The following ANXA11 variants were observed in gnomAD, a reference collection of about 807,000 sequenced individuals.
ANXA11 encodes annexin A11, also known as 56 kDa autoantigen.
A neutral mutation model predicts 64.7 loss-of-function variants in ANXA11; 57 were observed. The ratio of observed to expected loss-of-function variants is 0.88; its 90% CI spans 0.71 to 1.10. The LOEUF (loss-of-function observed/expected upper bound fraction) is 1.10, where lower values mean the gene tolerates loss of function less well. ANXA11 is among the 50% of genes least tolerant of loss of function. The pLI is 0.00. For synonymous variants in ANXA11, 260 were observed against 265.2 expected (o/e 0.98, Z 0.19); for missense variants, 675 against 670.7 (o/e 1.01, Z -0.07).
chr10:80,196,252 C>T (rs746067469), intron 1 of ANXA11, among the ~76,000 whole-genome samples: 5 of 152,206 alleles, frequency 3.3e-5, no homozygotes, highest in Non-Finnish European at 7.3e-5. Context: ...AAAGGTCACA[C>T]ACCCAAGTGC....
intron 8 of ANXA11, among the ~76,000 whole-genome samples, chr10:80,164,351 G>A (rs1173005405): frequency 6.6e-6 from 1 of 152,208 alleles, no homozygotes; most frequent in African/African-American, 2.4e-5. Context: ...CAGTGGTGAT[G>A]AGTAGGGCTC....
chr10:80,195,012 C>T (rs185382579), intron 1 of ANXA11, among the ~76,000 whole-genome samples: 7 of 152,160 alleles, frequency 4.6e-5, no homozygotes, highest in Middle Eastern at 3.4e-3. Context: ...TATGAATGGC[C>T]GGCACAGACC....
intron 1 of ANXA11, among the ~76,000 whole-genome samples, chr10:80,196,615 G>A (rs1481535338): frequency 6.6e-6 from 1 of 152,152 alleles, no homozygotes; most frequent in Non-Finnish European, 1.5e-5. Context: ...TGGGGGCCCT[G>A]GGCGTGCACT....
intron 1 of ANXA11, among the ~76,000 whole-genome samples, chr10:80,178,448 G>T (rs2789690): frequency 0.63 from 96,051 of 152,102 alleles, 31,382 homozygotes; most frequent in African/African-American, 0.8. Context: ...CCTTAAGGAT[G>T]GGTCCAATTC....
intron 4 of ANXA11, among the ~76,000 whole-genome samples, chr10:80,169,624 C>G (rs1195866669): frequency 6.6e-6 from 1 of 152,166 alleles, no homozygotes. Context: ...GTTGCTCCTC[C>G]CATCCCAGAC....
At chr10:80,200,984 T>C (rs1250014453) in intron 1 of ANXA11, among the ~76,000 whole-genome samples, 2 of 152,170 alleles carry the variant, frequency 1.3e-5, no homozygotes, top group Non-Finnish European at 2.9e-5. Flanking sequence ...GCCATCCACA[T>C]GTTCCCTTCT....
intron 1 of ANXA11, among the ~76,000 whole-genome samples, chr10:80,191,174 G>A (rs375602439): frequency 2.2e-4 from 33 of 151,908 alleles, no homozygotes; most frequent in Non-Finnish European, 3.8e-4. Context: ...GCAGTGAGCC[G>A]AGATCATGCC....
chr10:80,192,028 G>A (rs955900606), intron 1 of ANXA11, among the ~76,000 whole-genome samples: 11 of 152,208 alleles, frequency 7.2e-5, no homozygotes, highest in Admixed American at 2.0e-4. Context: ...GGCAGGGTGG[G>A]TAGAGAGGCT....
At position 80,151,690 on chromosome 10, in the gene ANXA11, T is replaced by G. The variant is rs1845159949; in HGVS notation, c.*4163A>C. 2 of 152,076 alleles carry G rather than the reference T, an allele frequency of 1.3e-5. No homozygotes were observed. Among genetic ancestry groups the G allele is most frequent in the African/African-American group, 4.8e-5 (2 of 41,388 alleles). 9.4% of individuals were successfully genotyped at this position (152,076 alleles called of 1,614,324 possible). On this transcript the variant is annotated 3_prime_UTR_variant, in exon 16 of 16. Coordinates refer to ENST00000422982, the MANE Select transcript of ANXA11 (RefSeq NM_145868.2). ...AGCTCCCTCTTCCCAAAGCTAGGAG[T>G]GCCTCATCTCATCTCTCATCACCTG...
intron 1 of ANXA11, among the ~76,000 whole-genome samples, chr10:80,183,136 T>C (rs1347232903): frequency 1.3e-5 from 2 of 152,186 alleles, no homozygotes; most frequent in Non-Finnish European, 2.9e-5. Context: ...TGTGAGTGGC[T>C]AGGCACTCGT....
At chr10:80,187,544 T>C (rs199966213) in intron 1 of ANXA11, among the ~76,000 whole-genome samples, 1 of 142,822 alleles carries the variant, frequency 7.0e-6, no homozygotes, top group East Asian at 2.0e-4. Context: ...TGTGCGCGCG[T>C]GCACACACAC....
At chr10:80,161,690 C>T (rs7092401) in intron 12 of ANXA11, among the ~76,000 whole-genome samples, 21,415 of 152,264 alleles carry the variant, frequency 0.14, 1,859 homozygotes, top group South Asian at 0.24. Flanking sequence ...CCAACTCTGA[C>T]GTTCCACATT....
At chr10:80,175,410 GAAA>G (rs1391889403) in intron 2 of ANXA11, among the ~76,000 whole-genome samples, 1 of 152,104 alleles carries the variant, frequency 6.6e-6, no homozygotes, top group East Asian at 1.9e-4. Context: ...TCCTCTCAGA[GAAA>G]TGAAGCCAAA....
intron 12 of ANXA11, among the ~76,000 whole-genome samples, chr10:80,160,954 G>A (rs12777382): frequency 0.041 from 6,215 of 152,046 alleles, 166 homozygotes; most frequent in Non-Finnish European, 0.065. Context: ...AAACATGGCC[G>A]GAACCTGACA....
Position 80,166,198 on chromosome 10 carries a change from C to A in ANXA11, c.745-1G>T. The A allele has an allele frequency of 6.4e-7, 1 of 1,552,316 alleles. No homozygotes were observed. Among genetic ancestry groups the A allele is most frequent in the African/African-American group, 1.4e-5 (1 of 72,888 alleles). On this transcript the variant is annotated splice_acceptor_variant, in intron 7 of 15. Transcript: ENST00000422982. LOFTEE classifies it high-confidence loss of function. ...CAGATTTCAGATCTTTGATCAAATC[C>A]TGATTGGATATTCAAACAAACAACC...
intron 5 of ANXA11, among the ~76,000 whole-genome samples, chr10:80,167,868 A>G (rs572373555): frequency 1.6e-4 from 24 of 152,302 alleles, no homozygotes; most frequent in African/African-American, 5.5e-4. Context: ...TGATAGCTGC[A>G]CAAACCCGCA....
Position 80,174,009 on chromosome 10 carries a change from A to G in ANXA11, c.-8-1140T>C, listed in dbSNP as rs944708486. On this transcript the variant is annotated intron_variant, in intron 2 of 15. Transcript: ENST00000422982. ...ACTGTTCTAGCCACGCTATCCAACT[A>G]TAAGAGTCTAGCTGCCCTTCATATC... is the stretch of plus-strand genomic sequence containing the variant. 5.9e-5 allele frequency among the ~76,000 whole-genome samples: 9 copies of G among 152,340 alleles called. No homozygotes were observed. The South Asian group carries it at 8.3e-4, about 14-fold the overall frequency.
intron 2 of ANXA11, among the ~76,000 whole-genome samples, chr10:80,173,239 G>C (rs1846047077): frequency 6.6e-6 from 1 of 152,236 alleles, no homozygotes. Context: ...AGGTAGAGAC[G>C]CACTGCCTCA....
intron 2 of ANXA11, among the ~76,000 whole-genome samples, chr10:80,174,105 A>T (rs888344525): frequency 1.1e-4 from 16 of 152,200 alleles, no homozygotes; most frequent in East Asian, 1.9e-4. Context: ...CCCAGACTGG[A>T]GTGCACTGGC....
Sources: gnomAD v4.1 joint callset for allele counts (sites outside exome capture counted in the v4.1 genomes callset) on GRCh38, gnomAD v4.1.1 for gene constraint, MANE v1.5 for transcripts, NCBI Gene and HGNC (gene_info 2026-07-23, HGNC 2026-07-21) for gene names.